MTPN: variants seen among roughly 807,000 people sequenced by gnomAD.
MTPN encodes the protein myotrophin, also known as granule cell differentiation protein.
MTPN carries 2 observed loss-of-function variants against 13.5 expected under a neutral mutation model. The ratio of observed to expected loss-of-function variants is 0.15; its 90% CI spans 0.06 to 0.47. MTPN has a LOEUF of 0.47. Among genes scored for constraint, MTPN ranks in the 20% least tolerant of loss-of-function variants. The pLI is 0.97. For synonymous variants in MTPN, 46 were observed against 51.7 expected (o/e 0.89, Z 0.48); for missense variants, 79 against 137.9 (o/e 0.57, Z 2.14).
At chr7:135,972,851 T>TA (rs1554395963) in intron 1 of MTPN, among the ~76,000 whole-genome samples, 1 of 146,706 alleles carries the variant, frequency 6.8e-6, no homozygotes. Context: ...AGGTGATACT[T>TA]ACCCTAGGAG....
intron 3 of MTPN, among the ~76,000 whole-genome samples, chr7:135,947,249 GT>G (rs1799299702): frequency 1.3e-5 from 2 of 152,028 alleles, no homozygotes; most frequent in African/African-American, 4.8e-5. Context: ...CACTCCATTT[GT>G]TGCTTGGGGG....
At chr7:135,933,930 A>G (rs1799070393) in intron 3 of MTPN, among the ~76,000 whole-genome samples, 1 of 152,058 alleles carries the variant, frequency 6.6e-6, no homozygotes, top group Non-Finnish European at 1.5e-5. Flanking sequence ...CTGGTTGCTT[A>G]AAAGTGTGTA....
At chr7:135,932,525 G>A (rs752621080) in intron 3 of MTPN, 7 of 151,858 alleles carry the variant, frequency 4.6e-5, no homozygotes, top group East Asian at 1.9e-4. Context: ...CAGAAAACTC[G>A]TAATTCTATA....
At chr7:135,937,394 C>CACACACAA (rs1799132137) in intron 3 of MTPN, among the ~76,000 whole-genome samples, 1 of 150,146 alleles carries the variant, frequency 6.7e-6, no homozygotes, top group Non-Finnish European at 1.5e-5. Flanking sequence ...CACACACACA[C>CACACACAA]ACACACAAAA....
intron 3 of MTPN, among the ~76,000 whole-genome samples, chr7:135,950,122 A>C (rs1221048397): frequency 2.0e-5 from 3 of 152,204 alleles, no homozygotes; most frequent in Non-Finnish European, 4.4e-5. Context: ...ATTTACCACT[A>C]TCTCAAGCAT....
In MTPN at chr7:135,927,261, T is replaced by C. The variant is rs774346689; in HGVS notation, c.*2665A>G. ...GCACCTACCTACTACCTCTCTTCCA[T>C]GCTTAACTGGGTTTAGAAAGGTGAG... On this transcript the variant is annotated 3_prime_UTR_variant, in exon 4 of 4. Coordinates refer to ENST00000393085, the MANE Select transcript of MTPN (RefSeq NM_145808.4). The C allele has an allele frequency of 8.4e-5, 129 of 1,532,988 alleles. No homozygotes were observed. The highest frequency in any genetic ancestry group is 1.1e-4 in the Non-Finnish European group (123 of 1,137,654). The allele number at this position is 1,532,988 out of a possible 1,614,324, so 95.0% of individuals were successfully genotyped here.
intron 1 of MTPN, 103 bp downstream of exon 1, chr7:135,976,926 C>CTCCCCCCCCCCCCCCCCCCCCCCG: frequency 1.5e-6 from 1 of 665,030 alleles, no homozygotes. Flanking sequence ...GAAGTCTCTC[C>CTCCCCCCCCCCCCCCCCCCCCCCG]TCCCGCCCAC....
intron 1 of MTPN, among the ~76,000 whole-genome samples, chr7:135,963,454 C>T (rs1799554663): frequency 6.6e-6 from 1 of 152,002 alleles, no homozygotes; most frequent in South Asian, 2.1e-4. Context: ...TATATGTAAA[C>T]TCTACCACTG....
intron 1 of MTPN, among the ~76,000 whole-genome samples, chr7:135,958,065 C>T (rs1799470670): frequency 6.6e-6 from 1 of 152,150 alleles, no homozygotes; most frequent in Non-Finnish European, 1.5e-5. Flanking sequence ...GGACTGGGCA[C>T]TGGACAGGTT....
rs555711609 is a variant in MTPN at position 135,977,320 on chromosome 7, G to C, written c.-220C>G. ...TTGCGGCCACCGGGCCCAGCAGAGA[G>C]GTTCCGCCTGGCCGAGGAGAGGCAG... On this transcript the variant is annotated 5_prime_UTR_variant, in exon 1 of 4. Coordinates refer to ENST00000393085, the MANE Select transcript of MTPN (RefSeq NM_145808.4). 171 of 585,456 alleles carry C rather than the reference G, an allele frequency of 2.9e-4. No individual in the cohort carries two copies. In the East Asian group the frequency reaches 4.5e-3, roughly 15 times the overall value. 36.3% of individuals were successfully genotyped at this position (585,456 alleles called of 1,614,324 possible).
intron 3 of MTPN, among the ~76,000 whole-genome samples, chr7:135,950,199 G>A (rs1799344237): frequency 6.6e-6 from 1 of 152,242 alleles, no homozygotes; most frequent in Middle Eastern, 3.4e-3. Context: ...ATTTTGCTCG[G>A]TATGTATTCC....
intron 3 of MTPN, among the ~76,000 whole-genome samples, chr7:135,934,032 C>T (rs1799072644): frequency 6.6e-6 from 1 of 152,078 alleles, no homozygotes; most frequent in Non-Finnish European, 1.5e-5. Flanking sequence ...TTTCCTGAGG[C>T]CTCCCCAGCC....
At position 135,951,583 on chromosome 7, in the gene MTPN, A is replaced by G; in HGVS notation, c.120T>C (p.His40=). 1 of 1,613,740 alleles carries G rather than the reference A, an allele frequency of 6.2e-7. No individual in the cohort carries two copies. The highest frequency in any genetic ancestry group is 2.2e-5 in the East Asian group (1 of 44,852). Residue 40 remains histidine, a synonymous_variant, in exon 2 of 4, where the codon CAT becomes CAC. Coordinates refer to ENST00000393085, the MANE Select transcript of MTPN (RefSeq NM_145808.4). ...CAAGCTGCCCACAATCTGCTGCATA[A>G]TGAAGAGGTTTCCTTCCACCTTCTA... ...RTLEGGRKPL[H]YAADCGQLEI...
At chr7:135,950,458 G>T in intron 3 of MTPN, 141 bp downstream of exon 3, 1 of 676,388 alleles carries the variant, frequency 1.5e-6, no homozygotes, top group Non-Finnish European at 2.6e-6. Flanking sequence ...CAGCTATTTT[G>T]AGTAACACTA....
At chr7:135,957,619 A>G (rs1016032448) in intron 1 of MTPN, among the ~76,000 whole-genome samples, 1 of 152,216 alleles carries the variant, frequency 6.6e-6, no homozygotes, top group East Asian at 1.9e-4. Context: ...GCATAGTGCT[A>G]TAATTTTGAT....
In MTPN at chr7:135,929,689, G is replaced by C; in HGVS notation, c.*237C>G. 1.9e-6 allele frequency: 1 copy of C among 534,646 alleles called. No homozygotes were observed. 33.1% of individuals were successfully genotyped at this position (534,646 alleles called of 1,614,324 possible). ...ATAAGGTGTATATTTTATTAGAAAG[G>C]GAAGAGGCTTACTTGATCAGGAATC... On this transcript the variant is annotated 3_prime_UTR_variant, in exon 4 of 4. Coordinates refer to ENST00000393085, the MANE Select transcript of MTPN (RefSeq NM_145808.4).
intron 3 of MTPN, among the ~76,000 whole-genome samples, chr7:135,942,177 C>T (rs1290715923): frequency 6.6e-6 from 1 of 152,180 alleles, no homozygotes; most frequent in Non-Finnish European, 1.5e-5. Flanking sequence ...GCGTGAGCTA[C>T]TGTGCCCGGC....
intron 1 of MTPN, among the ~76,000 whole-genome samples, chr7:135,964,830 A>AT (rs1057470142): frequency 5.9e-5 from 9 of 152,042 alleles, no homozygotes; most frequent in African/African-American, 2.2e-4. Flanking sequence ...ATACATTTTA[A>AT]TTTTTTTATA....
At chr7:135,972,049 A>G (rs1562937916) in intron 1 of MTPN, among the ~76,000 whole-genome samples, 1 of 152,142 alleles carries the variant, frequency 6.6e-6, no homozygotes, top group Non-Finnish European at 1.5e-5. Context: ...TACATTTACA[A>G]TTTTTAAAAT....
Sources: allele counts gnomAD v4.1 joint callset (sites outside exome capture counted in the v4.1 genomes callset), GRCh38; gene constraint gnomAD v4.1.1; transcripts MANE v1.5; gene names NCBI Gene and HGNC (gene_info 2026-07-23, HGNC 2026-07-21).